RBFOX1: variants seen among roughly 807,000 people sequenced by gnomAD.
RBFOX1 encodes the protein RNA binding protein fox-1 homolog 1.
A neutral mutation model predicts 57.7 loss-of-function variants in RBFOX1; 8 were observed. The ratio of observed to expected loss-of-function variants is 0.14; its 90% confidence interval spans 0.08 to 0.25. RBFOX1 has a LOEUF of 0.25. Ranked by LOEUF, RBFOX1 falls within the 10% of genes least tolerant of loss-of-function variation. The probability of loss-of-function intolerance (pLI) is 1.00; values close to 1 mark genes in which losing one functional copy is unlikely to be tolerated. For missense variants in RBFOX1, 611 were observed against 548.5 expected (o/e 1.11, Z -1.14); for synonymous variants, 326 against 222.4 (o/e 1.47, Z -4.15).
chr16:5,858,262 C>G (rs1219635602), intron 3 of RBFOX1, among the ~76,000 whole-genome samples: 1 of 152,158 alleles, frequency 6.6e-6, no homozygotes, highest in African/African-American at 2.4e-5. Flanking sequence ...AGCCTCAGCA[C>G]CCACTTCTCA....
chr16:5,582,935 T>C (rs2046720253), intron 2 of RBFOX1, among the ~76,000 whole-genome samples: 1 of 152,232 alleles, frequency 6.6e-6, no homozygotes, highest in Non-Finnish European at 1.5e-5. Flanking sequence ...TCAGTGATAA[T>C]GTTGAGCACT....
chr16:5,448,031 C>T (rs958887223), intron 1 of RBFOX1, among the ~76,000 whole-genome samples: 1 of 152,102 alleles, frequency 6.6e-6, no homozygotes, highest in Non-Finnish European at 1.5e-5. Context: ...GGGGTGGAGT[C>T]ACATGGGGGA....
chr16:6,114,171 T>C (rs978130992), intron 1 of RBFOX1, among the ~76,000 whole-genome samples: 4 of 152,240 alleles, frequency 2.6e-5, no homozygotes, highest in African/African-American at 9.6e-5. Context: ...ATTTTAGCAA[T>C]GAACTTCTTC....
intron 2 of RBFOX1, among the ~76,000 whole-genome samples, chr16:6,366,874 T>C (rs1285873834): frequency 6.6e-6 from 1 of 152,190 alleles, no homozygotes; most frequent in African/African-American, 2.4e-5. Flanking sequence ...AGAGTGGCTC[T>C]CTCTATTGGG....
intron 1 of RBFOX1, among the ~76,000 whole-genome samples, chr16:6,240,063 T>C (rs2097532249): frequency 6.6e-6 from 1 of 152,110 alleles, no homozygotes; most frequent in African/African-American, 2.4e-5. Flanking sequence ...TGAGATCTGG[T>C]CATTTAAACG....
At chr16:5,767,233 C>G (rs1305571393) in intron 3 of RBFOX1, among the ~76,000 whole-genome samples, 1 of 152,218 alleles carries the variant, frequency 6.6e-6, no homozygotes, top group Admixed American at 6.5e-5. Flanking sequence ...AGCATCTCCT[C>G]TTGTCTTCTT....
intron 2 of RBFOX1, among the ~76,000 whole-genome samples, chr16:5,536,637 T>C (rs2044709059): frequency 6.6e-6 from 1 of 152,062 alleles, no homozygotes; most frequent in Non-Finnish European, 1.5e-5. Flanking sequence ...GCTGCATAAA[T>C]GGGAGACAAG....
At chr16:7,275,173 G>A (rs2095416631) in intron 4 of RBFOX1, among the ~76,000 whole-genome samples, 2 of 151,996 alleles carry the variant, frequency 1.3e-5, no homozygotes, top group African/African-American at 4.8e-5. Context: ...AGGGATAGAG[G>A]GAGAGAGGAA....
chr16:7,494,340 C>G (rs2067892558), intron 4 of RBFOX1, among the ~76,000 whole-genome samples: 1 of 152,092 alleles, frequency 6.6e-6, no homozygotes, highest in Non-Finnish European at 1.5e-5. Context: ...TCTGGCCTTC[C>G]TACCATTGGC....
At chr16:7,326,646 G>A (rs760790419) in intron 4 of RBFOX1, among the ~76,000 whole-genome samples, 4 of 151,056 alleles carry the variant, frequency 2.6e-5, no homozygotes, top group African/African-American at 4.9e-5. Context: ...TTTATGAGAG[G>A]GTACAGGTGT....
chr16:5,786,162 A>G (rs1401709226), intron 3 of RBFOX1, among the ~76,000 whole-genome samples: 1 of 152,118 alleles, frequency 6.6e-6, no homozygotes, highest in Non-Finnish European at 1.5e-5. Flanking sequence ...CCCAGAAGAC[A>G]CCTGCCTCCA....
intron 3 of RBFOX1, among the ~76,000 whole-genome samples, chr16:6,758,335 C>T (rs781707062): frequency 7.2e-5 from 11 of 152,122 alleles, no homozygotes; most frequent in South Asian, 2.1e-4. Context: ...ATGTAAACCA[C>T]GACATAATAG....
chr16:6,485,745 G>A (rs9302821), intron 2 of RBFOX1, among the ~76,000 whole-genome samples: 36,652 of 152,062 alleles, frequency 0.24, 5,047 homozygotes, highest in East Asian at 0.52. Context: ...GGGTTTATAC[G>A]AAAGTACTTT....
chr16:6,101,156 A>C (rs145756682), intron 1 of RBFOX1, among the ~76,000 whole-genome samples: 48 of 152,324 alleles, frequency 3.2e-4, no homozygotes, highest in African/African-American at 1.1e-3. Context: ...GGCTGTTACA[A>C]GCTTTCAAAG....
intron 4 of RBFOX1, among the ~76,000 whole-genome samples, chr16:7,170,658 C>T (rs1435825505): frequency 6.6e-6 from 1 of 152,182 alleles, no homozygotes; most frequent in African/African-American, 2.4e-5. Flanking sequence ...TAGCCCTAAG[C>T]TGTATAATTC....
chr16:5,863,354 C>G (rs1426704462), intron 3 of RBFOX1, among the ~76,000 whole-genome samples: 1 of 152,188 alleles, frequency 6.6e-6, no homozygotes, highest in East Asian at 1.9e-4. Flanking sequence ...TGGCCCGCCT[C>G]AAACACGGCT....
intron 5 of RBFOX1, among the ~76,000 whole-genome samples, chr16:7,551,148 T>C (rs930812141): frequency 1.3e-5 from 2 of 148,534 alleles, no homozygotes; most frequent in Non-Finnish European, 3.0e-5. Flanking sequence ...TTCGCCACGA[T>C]AGAGTAACAG....
chr16:5,453,806 C>T (rs574175887), intron 1 of RBFOX1, among the ~76,000 whole-genome samples: 77 of 152,240 alleles, frequency 5.1e-4, no homozygotes, highest in Middle Eastern at 3.4e-3. Context: ...TACTTACGTA[C>T]GAGGGTGACA....
intron 3 of RBFOX1, among the ~76,000 whole-genome samples, chr16:6,932,861 A>G (rs2076784261): frequency 6.6e-6 from 1 of 152,214 alleles, no homozygotes; most frequent in South Asian, 2.1e-4. Flanking sequence ...TTCATCTTGT[A>G]AAACTGAAAC....
Sources: allele counts gnomAD v4.1 joint callset (sites outside exome capture counted in the v4.1 genomes callset), GRCh38; gene constraint gnomAD v4.1.1; transcripts MANE v1.5; gene names NCBI Gene and HGNC (gene_info 2026-07-23, HGNC 2026-07-21).